The following DMD variants were observed in gnomAD, a reference collection of about 807,000 sequenced individuals.
DMD encodes the protein mutant dystrophin.
Under a neutral mutation model 330.1 loss-of-function variants are expected in DMD, and 63 were observed. That is an observed-to-expected ratio of 0.19 (90% CI 0.16 to 0.24). The LOEUF (loss-of-function observed/expected upper bound fraction) is 0.24. Ranked by LOEUF, DMD falls within the 10% of genes least tolerant of loss-of-function variation. The probability of loss-of-function intolerance (pLI) is 1.00; values close to 1 mark genes in which losing one functional copy is unlikely to be tolerated. For synonymous variants in DMD, 1,223 were observed against 959.8 expected (o/e 1.27, Z -5.07); for missense variants, 3,344 against 2,684.1 (o/e 1.25, Z -5.43).
At chrX:32,722,701 CTA>C (rs1219250707) in intron 7 of DMD, among the ~76,000 whole-genome samples, 2 of 110,551 alleles carry the variant, frequency 1.8e-5, no homozygotes, top group Admixed American at 9.7e-5. Flanking sequence ...ATATTTTATT[CTA>C]TGTTATCATA....
chrX:31,845,275 C>A (rs1332000725), intron 48 of DMD, among the ~76,000 whole-genome samples: 3 of 109,712 alleles, frequency 2.7e-5, no homozygotes, highest in Non-Finnish European at 5.7e-5. Flanking sequence ...TGCCAAAAGG[C>A]GGTGAGGAGT....
At chrX:32,962,146 G>A (rs1381115801) in intron 2 of DMD, among the ~76,000 whole-genome samples, 5 of 111,641 alleles carry the variant, frequency 4.5e-5, no homozygotes, top group African/African-American at 1.6e-4. Context: ...GAGAAAAGCA[G>A]TAAAATAGTC....
intron 18 of DMD, among the ~76,000 whole-genome samples, chrX:32,514,879 A>T (rs760823184): frequency 8.9e-6 from 1 of 112,799 alleles, no homozygotes; most frequent in South Asian, 3.6e-4. Flanking sequence ...GCCCACAGGG[A>T]TGCTGAAATA....
chrX:31,203,953 T>G lies in DMD; in HGVS notation c.9807+8A>C. The stretch of plus-strand genomic sequence containing the variant: ...ATAAATATGTTACCTAGAAGGTGAA[T>G]AACTTACAAATTGGAAGCAGCTCCG... On this transcript the variant is annotated splice_region_variant and intron_variant, in intron 67 of 78. Coordinates refer to ENST00000357033, the MANE Select transcript of DMD (RefSeq NM_004006.3). 1 of 1,200,553 alleles carries G rather than the reference T, an allele frequency of 8.3e-7. No homozygotes were observed. Among genetic ancestry groups the G allele is most frequent in the South Asian group, 1.8e-5 (1 of 56,754 alleles).
rs762960280 is a variant in DMD, at chrX:32,518,091, G to C, written c.2209C>G (p.Arg737Gly). The change falls in exon 18 of 79, where the codon CGC becomes GGC. Residue 737 changes from arginine to glycine, a missense_variant. Coordinates refer to ENST00000357033, the MANE Select transcript of DMD (RefSeq NM_004006.3). ...DITELHSWIT[R>G]SEAVLQSPEF... is the part of the protein sequence containing the mutation. ...GGACTCTGCAACACAGCTTCTGAGC[G>C]AGTAATCCAGCTGTGAAGTTCAGTT... The C allele has an allele frequency of 8.3e-7, 1 of 1,209,471 alleles. No homozygotes were observed.
chrX:31,593,114 G>A (rs1415979094), intron 55 of DMD, among the ~76,000 whole-genome samples: 1 of 111,104 alleles, frequency 9.0e-6, no homozygotes, highest in Non-Finnish European at 1.9e-5. Flanking sequence ...TATTTCTCCA[G>A]ATTTTACTCC....
At chrX:32,688,994 C>T (rs745431308) in intron 9 of DMD, among the ~76,000 whole-genome samples, 53 of 110,820 alleles carry the variant, frequency 4.8e-4, no homozygotes, top group Non-Finnish European at 9.7e-4. Context: ...TGATAGGTAA[C>T]TCCATTTGTG....
At chrX:31,995,130 T>A (rs2095576274) in intron 44 of DMD, among the ~76,000 whole-genome samples, 1 of 111,616 alleles carries the variant, frequency 9.0e-6, no homozygotes, top group Admixed American at 9.5e-5. Context: ...CCAAATTCTC[T>A]CTGTGTGTAT....
chrX:32,133,528 C>A (rs2096709685), intron 44 of DMD, among the ~76,000 whole-genome samples: 1 of 111,794 alleles, frequency 8.9e-6, no homozygotes, highest in Non-Finnish European at 1.9e-5. Flanking sequence ...ATTGCCTATT[C>A]AATATATCTG....
chrX:32,114,070 T>C (rs2096600094), intron 44 of DMD, among the ~76,000 whole-genome samples: 1 of 112,467 alleles, frequency 8.9e-6, no homozygotes, highest in Non-Finnish European at 1.9e-5. Flanking sequence ...ACACAATATT[T>C]TTCTTTAGCT....
chrX:32,273,180 C>T (rs976352938), intron 43 of DMD, among the ~76,000 whole-genome samples: 5 of 110,010 alleles, frequency 4.5e-5, no homozygotes, highest in Non-Finnish European at 9.5e-5. Context: ...GAGTAAGATG[C>T]GGGCTGAATC....
chrX:32,817,841 TC>T (rs1314553933), intron 5 of DMD, among the ~76,000 whole-genome samples: 2 of 112,365 alleles, frequency 1.8e-5, no homozygotes, highest in Non-Finnish European at 3.8e-5. Context: ...CTACTAAATC[TC>T]ATTTTAACAT....
chrX:31,436,096 A>G (rs2064504508), intron 60 of DMD, among the ~76,000 whole-genome samples: 1 of 112,147 alleles, frequency 8.9e-6, no homozygotes, highest in Admixed American at 9.4e-5. Flanking sequence ...ACATGCATGC[A>G]TAAATACATT....
chrX:32,403,711 G>C (rs756931373), intron 30 of DMD, among the ~76,000 whole-genome samples: 2 of 111,776 alleles, frequency 1.8e-5, no homozygotes, highest in Non-Finnish European at 3.8e-5. Context: ...TTCAATGTTA[G>C]AACAGATTCA....
chrX:32,571,814 C>A (rs1163773324), intron 15 of DMD, among the ~76,000 whole-genome samples: 1 of 111,698 alleles, frequency 9.0e-6, no homozygotes, highest in Non-Finnish European at 1.9e-5. Context: ...GGAACCATTT[C>A]AAACTTCTGC....
At chrX:32,982,258 T>A (rs2092725152) in intron 2 of DMD, among the ~76,000 whole-genome samples, 2 of 111,712 alleles carry the variant, frequency 1.8e-5, no homozygotes, top group South Asian at 7.4e-4. Flanking sequence ...CAAATTAGTA[T>A]AAGCCTTTGC....
At chrX:33,018,238 T>C (rs1415722003) in intron 2 of DMD, among the ~76,000 whole-genome samples, 1 of 111,815 alleles carries the variant, frequency 8.9e-6, no homozygotes, top group Non-Finnish European at 1.9e-5. Flanking sequence ...CTTGAAAGAA[T>C]GGTGACTCTC....
chrX:32,449,693 G>A (rs1458018500), intron 26 of DMD, among the ~76,000 whole-genome samples: 5 of 108,661 alleles, frequency 4.6e-5, no homozygotes, highest in African/African-American at 1.7e-4. Flanking sequence ...AGTTGGTGGT[G>A]GTCTTCGGTT....
chrX:31,177,810 A>T, intron 71 of DMD, 122 bp downstream of exon 71: 1 of 633,487 alleles, frequency 1.6e-6, no homozygotes, highest in Non-Finnish European at 2.5e-6. Context: ...AAGGAAGGGG[A>T]ATTAATATGT....
Sources: gnomAD v4.1 joint callset for allele counts (sites outside exome capture counted in the v4.1 genomes callset) on GRCh38, gnomAD v4.1.1 for gene constraint, MANE v1.5 for transcripts, NCBI Gene and HGNC (gene_info 2026-07-23, HGNC 2026-07-21) for gene names.